Variants in RFC3 observed in about 807,000 individuals in gnomAD.
The protein encoded by RFC3 is A1 38 kDa subunit.
A neutral mutation model predicts 45.1 loss-of-function variants in RFC3; 41 were observed. That is an observed-to-expected ratio of 0.91 (90% CI 0.71 to 1.18). The LOEUF (loss-of-function observed/expected upper bound fraction) is 1.18, where lower values mean the gene tolerates loss of function less well. Among genes scored for constraint, RFC3 ranks in the 50% most tolerant of loss-of-function variants. RFC3 has a pLI of 0.00. For missense variants in RFC3, 423 were observed against 428.1 expected, an observed-to-expected ratio of 0.99 and a Z score of 0.10; for synonymous variants, 149 against 144.0, an observed-to-expected ratio of 1.03 and a Z score of -0.25.
intron 8 of RFC3, among the ~76,000 whole-genome samples, chr13:33,869,255 T>C (rs1425773121): frequency 6.6e-6 from 1 of 152,228 alleles, no homozygotes; most frequent in Non-Finnish European, 1.5e-5. Flanking sequence ...TTCTGCTTCA[T>C]TAAGTTAGTG....
intron 8 of RFC3, among the ~76,000 whole-genome samples, chr13:33,884,773 A>G (rs1201598672): frequency 6.6e-6 from 1 of 152,160 alleles, no homozygotes; most frequent in East Asian, 1.9e-4. Flanking sequence ...TGGGTTTCCA[A>G]AGGCTCATCT....
At chr13:33,919,359 G>A (rs1263055420) in intron 8 of RFC3, among the ~76,000 whole-genome samples, 2 of 151,858 alleles carry the variant, frequency 1.3e-5, no homozygotes, top group Non-Finnish European at 2.9e-5. Context: ...AGGCTGAATT[G>A]CTCAATGTAT....
chr13:33,927,529 C>A (rs903315233), intron 8 of RFC3, among the ~76,000 whole-genome samples: 1 of 152,064 alleles, frequency 6.6e-6, no homozygotes, highest in Admixed American at 6.6e-5. Context: ...TTTAAGAGGC[C>A]AACTCTCCTT....
chr13:33,961,575 A>G (rs1490464342), intron 8 of RFC3, among the ~76,000 whole-genome samples: 2 of 152,218 alleles, frequency 1.3e-5, no homozygotes, highest in East Asian at 1.9e-4. Context: ...GAAAGCACAC[A>G]AAGAAAAACA....
chr13:33,971,604 T>G, the RFC3 span, among the ~76,000 whole-genome samples: 1 of 152,350 alleles, frequency 6.6e-6, no homozygotes, highest in East Asian at 1.9e-4. Context: ...AGAAGCATGT[T>G]TGTCCTCCAA....
At chr13:33,910,942 A>G (rs912790948) in intron 8 of RFC3, among the ~76,000 whole-genome samples, 1 of 151,924 alleles carries the variant, frequency 6.6e-6, no homozygotes, top group African/African-American at 2.4e-5. Context: ...GAACCCTTTC[A>G]TGAGAGCAGC....
Position 33,860,645 on chromosome 13 carries a change from T to C in RFC3, c.879+25428T>C, listed in dbSNP as rs2082335204. 3.3e-5 allele frequency among the ~76,000 whole-genome samples: 5 copies of C among 152,224 alleles called. No individual in the cohort carries two copies. The South Asian group carries it at 1.0e-3, about 31-fold the overall frequency. Reference sequence around the variant, plus strand: ...GCCGTGAGGAGAGAGAAACTCGTTCTTTCCCTGCAGGCCAAGGCAAGGAGA... The same window carrying C: ...GCCGTGAGGAGAGAGAAACTCGTTCCTTCCCTGCAGGCCAAGGCAAGGAGA... On this transcript the variant is annotated intron_variant, in intron 8 of 8. Transcript: ENST00000434425.
At chr13:33,852,846 C>T (rs182076627) in intron 8 of RFC3, among the ~76,000 whole-genome samples, 134 of 152,230 alleles carry the variant, frequency 8.8e-4, no homozygotes, top group African/African-American at 2.9e-3. Flanking sequence ...TTATGCAACT[C>T]GTGAGAAAAT....
intron 7 of RFC3, among the ~76,000 whole-genome samples, chr13:33,833,439 A>G (rs2082122223): frequency 6.6e-6 from 1 of 152,016 alleles, no homozygotes. Context: ...TATAATAGAG[A>G]CAGTTCTAGG....
chr13:33,836,323 T>G lies in RFC3; in HGVS notation c.*28T>G, dbSNP rs372638132. 25 of 1,609,478 alleles carry G rather than the reference T, an allele frequency of 1.6e-5. No homozygotes were observed. In the African/African-American group the frequency reaches 3.2e-4, roughly 21 times the overall value. On this transcript the variant is annotated 3_prime_UTR_variant, in exon 9 of 9. Coordinates refer to ENST00000380071, the MANE Select transcript of RFC3 (RefSeq NM_002915.4). ...TCTGTCAGTTATTCTTGCAAAGATT[T>G]CTCAGTATCAGTATTTACATACAGC...
intron 8 of RFC3, among the ~76,000 whole-genome samples, chr13:33,879,303 G>A (rs1174464184): frequency 6.6e-6 from 1 of 152,094 alleles, no homozygotes; most frequent in African/African-American, 2.4e-5. Flanking sequence ...CTTTTCTAAT[G>A]TTCTTAAAGA....
chr13:33,955,056 G>A (rs1184417894), intron 8 of RFC3, among the ~76,000 whole-genome samples: 3 of 152,104 alleles, frequency 2.0e-5, no homozygotes, highest in Non-Finnish European at 2.9e-5. Context: ...CTACATGGCC[G>A]TGTGTGTGGC....
intron 8 of RFC3, among the ~76,000 whole-genome samples, chr13:33,868,428 G>A (rs1008131419): frequency 1.7e-5 from 1 of 59,352 alleles, no homozygotes; most frequent in Non-Finnish European, 9.1e-5. Context: ...AGGGATAAGA[G>A]GCTACTAACT....
intron 8 of RFC3, among the ~76,000 whole-genome samples, chr13:33,917,704 A>G (rs2082741961): frequency 6.6e-6 from 1 of 152,144 alleles, no homozygotes; most frequent in Non-Finnish European, 1.5e-5. Context: ...TTAGAAAATG[A>G]CAGGCTCTCT....
At position 33,824,061 on chromosome 13, in the gene RFC3, C is replaced by T; in HGVS notation, c.293+77C>T. The T allele has an allele frequency of 2.9e-6, 2 of 688,718 alleles. 1 individual carries two copies. Among genetic ancestry groups the T allele is most frequent in the South Asian group, 4.2e-5 (2 of 47,818 alleles). The allele number at this position is 688,718 out of a possible 1,614,324, so 42.7% of individuals were successfully genotyped here. On this transcript the variant is annotated intron_variant, in intron 3 of 8. Coordinates refer to ENST00000380071, the MANE Select transcript of RFC3 (RefSeq NM_002915.4). ...GCTTTCTTTTTTTAAAAGATTGAAACCCTTTTTTGAAATAAATTGATACGT... is the reference window on the plus strand; with the variant it reads ...GCTTTCTTTTTTTAAAAGATTGAAATCCTTTTTTGAAATAAATTGATACGT...
chr13:33,878,785 G>C (rs187610722), intron 8 of RFC3, among the ~76,000 whole-genome samples: 2 of 152,178 alleles, frequency 1.3e-5, no homozygotes, highest in East Asian at 3.9e-4. Flanking sequence ...GAGCTTATCT[G>C]CTGCTTGGTT....
At chr13:33,972,077 C>T in the RFC3 span, among the ~76,000 whole-genome samples, 18 of 152,304 alleles carry the variant, frequency 1.2e-4, no homozygotes, top group East Asian at 2.5e-3. Flanking sequence ...GATCGCACCA[C>T]GGCACTCCGG....
At chr13:33,877,183 A>G (rs1593659104) in intron 8 of RFC3, among the ~76,000 whole-genome samples, 2 of 152,312 alleles carry the variant, frequency 1.3e-5, no homozygotes, top group African/African-American at 2.4e-5. Context: ...AGGTTCAGAG[A>G]GGTTGAGTGA....
chr13:33,885,705 T>C (rs190620484), intron 8 of RFC3, among the ~76,000 whole-genome samples: 1 of 152,288 alleles, frequency 6.6e-6, no homozygotes, highest in African/African-American at 2.4e-5. Flanking sequence ...TTATTAACAC[T>C]CAAGTGCAGT....
Sources: allele counts gnomAD v4.1 joint callset (sites outside exome capture counted in the v4.1 genomes callset), GRCh38; gene constraint gnomAD v4.1.1; transcripts MANE v1.5; gene names NCBI Gene and HGNC (gene_info 2026-07-23, HGNC 2026-07-21).